GATA4: variants seen among roughly 807,000 people sequenced by gnomAD.
GATA4 encodes the protein GATA binding protein 4.
GATA4 carries 7 observed loss-of-function variants against 37.9 expected under a neutral mutation model. The ratio of observed to expected loss-of-function variants is 0.18; its 90% CI spans 0.11 to 0.35. The LOEUF (loss-of-function observed/expected upper bound fraction) is 0.35, where lower values mean the gene tolerates loss of function less well. Among genes scored for constraint, GATA4 ranks in the 10% least tolerant of loss-of-function variants. The pLI, the probability that GATA4 is intolerant of heterozygous loss-of-function variation, is 1.00. For missense variants in GATA4, 647 were observed against 653.0 expected (o/e 0.99, Z 0.10); for synonymous variants, 372 against 292.6 (o/e 1.27, Z -2.77).
intron 5 of GATA4, among the ~76,000 whole-genome samples, chr8:11,755,908 T>TA (rs1341963880): frequency 3.2e-5 from 4 of 123,344 alleles, no homozygotes; most frequent in African/African-American, 1.5e-4. Context: ...GACCCTGTCT[T>TA]TAAAAAAAAA....
intron 1 of GATA4, among the ~76,000 whole-genome samples, chr8:11,693,981 G>A (rs1378638464): frequency 6.6e-6 from 1 of 152,108 alleles, no homozygotes; most frequent in South Asian, 2.1e-4. Context: ...GTAAAAGAGA[G>A]GGGGGAACAC....
intron 2 of GATA4, among the ~76,000 whole-genome samples, chr8:11,723,084 T>C (rs968489535): frequency 3.7e-4 from 57 of 152,310 alleles, no homozygotes; most frequent in African/African-American, 1.3e-3. Flanking sequence ...TAGAGGCTCA[T>C]GCTTGTAATC....
chr8:11,734,482 T>A lies in GATA4; in HGVS notation c.617-14434T>A, dbSNP rs956632473. Among the ~76,000 whole-genome samples the A allele has an allele frequency of 2.0e-5, 3 of 152,168 alleles. No individual in the cohort carries two copies. The East Asian group carries it at 5.8e-4, about 29-fold the overall frequency. ...GGTGGGTGTAGGGAGATATCTATTC[T>A]GTCTTTTCTTTTCTTTTTTTTGAGG... On this transcript the variant is annotated intron_variant, in intron 2 of 6. Transcript: ENST00000532059.
chr8:11,738,685 C>A (rs963117487), intron 2 of GATA4, among the ~76,000 whole-genome samples: 3 of 152,216 alleles, frequency 2.0e-5, no homozygotes, highest in African/African-American at 7.2e-5. Context: ...GTGACACATG[C>A]ATTTATACTT....
At chr8:11,691,077 T>A (rs1799298320), upstream of GATA4, among the ~76,000 whole-genome samples, 1 of 152,208 alleles carries the variant, frequency 6.6e-6, no homozygotes, top group African/African-American at 2.4e-5. Flanking sequence ...ACTGTGTGGA[T>A]AAATGATTGT....
At chr8:11,693,562 C>CACACACACAGAGAG (rs1405047773) in intron 1 of GATA4, among the ~76,000 whole-genome samples, 2 of 72,226 alleles carry the variant, frequency 2.8e-5, no homozygotes, top group African/African-American at 1.0e-4. Flanking sequence ...CACACACACA[C>CACACACACAGAGAG]AGAGAGAGAG....
At chr8:11,678,732 C>G (rs1798858117) in intron 1 of GATA4, among the ~76,000 whole-genome samples, 1 of 152,162 alleles carries the variant, frequency 6.6e-6, no homozygotes, top group African/African-American at 2.4e-5. Flanking sequence ...AATCGGTCTA[C>G]AGTAAAGGAT....
chr8:11,728,714 C>G (rs189386042), intron 2 of GATA4, among the ~76,000 whole-genome samples: 1 of 152,206 alleles, frequency 6.6e-6, no homozygotes, highest in Admixed American at 6.5e-5. Context: ...GTGCCCAGCC[C>G]TGGATTCAAT....
At chr8:11,719,567 C>T (rs926026042) in intron 2 of GATA4, among the ~76,000 whole-genome samples, 8 of 151,900 alleles carry the variant, frequency 5.3e-5, no homozygotes, top group African/African-American at 1.7e-4. Flanking sequence ...AAATGGAAAA[C>T]TCACATAAAC....
At chr8:11,681,153 G>T (rs968402903) in intron 1 of GATA4, 1 of 985,174 alleles carries the variant, frequency 1.0e-6, no homozygotes, top group East Asian at 1.1e-4. Context: ...CTCCAGCTCC[G>T]TTCTGTTCGC....
At chr8:11,684,051 C>G (rs2129943063) in intron 1 of GATA4, among the ~76,000 whole-genome samples, 1 of 152,370 alleles carries the variant, frequency 6.6e-6, no homozygotes, top group South Asian at 2.1e-4. Flanking sequence ...CCAGGGCAAC[C>G]CATGTCCTCA....
intron 2 of GATA4, among the ~76,000 whole-genome samples, chr8:11,726,582 CTGTT>C (rs1468940678): frequency 1.3e-5 from 2 of 152,224 alleles, no homozygotes; most frequent in East Asian, 1.9e-4. Context: ...ACTCCAGTCT[CTGTT>C]TGAACCCTTG....
At chr8:11,755,782 T>C (rs986549936) in intron 5 of GATA4, among the ~76,000 whole-genome samples, 22 of 152,140 alleles carry the variant, frequency 1.4e-4, no homozygotes, top group Admixed American at 3.3e-4. Context: ...AATGTTCTCT[T>C]CAATATACCA....
At chr8:11,730,029 A>C (rs1801128653) in intron 2 of GATA4, among the ~76,000 whole-genome samples, 1 of 152,094 alleles carries the variant, frequency 6.6e-6, no homozygotes, top group Non-Finnish European at 1.5e-5. Context: ...GGGTTCAAGG[A>C]ATCCTCACAC....
In GATA4 at chr8:11,749,046, C is replaced by A. The variant is rs140212153; in HGVS notation, c.747C>A (p.Asn249Lys). The change falls in exon 3 of 7, where the codon AAC (asparagine) becomes AAA (lysine). Residue 249 changes from asparagine to lysine, a missense_variant. Asn to Lys is a moderately conservative substitution (Grantham distance 94). Around this residue, in one of 5 missense-constraint regions of GATA4, gnomAD observed 56 missense variants for 64.5 expected, o/e 0.87. Coordinates refer to ENST00000532059, the MANE Select transcript of GATA4 (RefSeq NM_001308093.3). The surrounding 1 kb of genome is among the most constrained non-coding windows in gnomAD (Gnocchi z 4.6). Reference protein sequence around the residue: ...CNACGLYHKMNGINRPLIKPQ... With the variant: ...CNACGLYHKMKGINRPLIKPQ... Reference sequence around the variant, plus strand: ...CCTGCGGCCTCTACCACAAGATGAACGGCATCAACCGGCCGCTCATCAAGC... The same window carrying A: ...CCTGCGGCCTCTACCACAAGATGAAAGGCATCAACCGGCCGCTCATCAAGC... 63 of 1,614,206 alleles carry A rather than the reference C, an allele frequency of 3.9e-5. No individual in the cohort carries two copies. The highest frequency in any genetic ancestry group is 5.1e-5 in the Non-Finnish European group (60 of 1,180,046).
At chr8:11,705,885 A>C (rs1799869396) in intron 1 of GATA4, 1 of 152,228 alleles carries the variant, frequency 6.6e-6, no homozygotes. Flanking sequence ...TTGGATTATA[A>C]AATTCTAAAT....
In GATA4 at chr8:11,749,166, T is replaced by C. The variant is rs1265519360; in HGVS notation, c.786+81T>C. On this transcript the variant is annotated intron_variant, in intron 3 of 6. Coordinates refer to ENST00000532059, the MANE Select transcript of GATA4 (RefSeq NM_001308093.3). The surrounding 1 kb of genome is among the most constrained non-coding windows in gnomAD (Gnocchi z 4.6). Reference sequence around the variant, plus strand: ...GGTGGGACATCCTCTGGTTTTGAATTTTGGAACTTGAGGGTGTGCATCGGG... The same window carrying C: ...GGTGGGACATCCTCTGGTTTTGAATCTTGGAACTTGAGGGTGTGCATCGGG... 39 of 1,460,344 alleles carry C rather than the reference T, an allele frequency of 2.7e-5. No homozygotes were observed. The highest frequency in any genetic ancestry group is 3.5e-5 in the Non-Finnish European group (37 of 1,061,298). 90.5% of individuals were successfully genotyped at this position (1,460,344 alleles called of 1,614,324 possible). A position where few individuals can be genotyped will look rare whatever the true frequency, so the allele number is the denominator to read the frequency against.
At chr8:11,751,843 T>G (rs926919244) in intron 4 of GATA4, among the ~76,000 whole-genome samples, 11 of 152,224 alleles carry the variant, frequency 7.2e-5, no homozygotes, top group Non-Finnish European at 1.2e-4. Context: ...CTCTCATATA[T>G]TATTGATCTG....
intron 2 of GATA4, among the ~76,000 whole-genome samples, chr8:11,724,725 T>A (rs911783100): frequency 1.3e-5 from 2 of 152,134 alleles, no homozygotes; most frequent in African/African-American, 4.8e-5. Flanking sequence ...AAGAAGTGTG[T>A]GTGTGTGTAT....
Sources: gnomAD v4.1 joint callset for allele counts (sites outside exome capture counted in the v4.1 genomes callset) on GRCh38, gnomAD v4.1.1 for gene constraint, gnomAD v4.1.1 regional missense constraint, Gnocchi (gnomAD v3.1) non-coding constraint, MANE v1.5 for transcripts, NCBI Gene and HGNC (gene_info 2026-07-23, HGNC 2026-07-21) for gene names.